Variants in EFCAB12 observed in about 807,000 individuals in gnomAD.
EFCAB12 encodes the protein EF-hand calcium-binding domain-containing protein 12.
In EFCAB12, 43 loss-of-function variants were observed where a neutral mutation model predicts 53.6. That is an observed-to-expected ratio of 0.80 (90% CI 0.63 to 1.03). EFCAB12 has a LOEUF of 1.03. EFCAB12 is among the 50% of genes least tolerant of loss of function. EFCAB12 has a pLI of 0.00. For synonymous variants in EFCAB12, 269 were observed against 289.2 expected, an observed-to-expected ratio of 0.93 and a Z score of 0.71; for missense variants, 646 against 730.6, an observed-to-expected ratio of 0.88 and a Z score of 1.34.
Position 129,415,274 on chromosome 3 carries a change from T to G in EFCAB12, c.809A>C (p.Gln270Pro), listed in dbSNP as rs748199302. Residue 270 changes from glutamine to proline, a missense_variant, in exon 4 of 9, where the codon CAA becomes CCA. By Grantham distance (76) the Gln-to-Pro change is moderately conservative. Coordinates refer to ENST00000505956, the MANE Select transcript of EFCAB12 (RefSeq NM_207307.3). Reference sequence around the variant, plus strand: ...CCTTGCAGTGGCCAGGCTGCTCCTTTGCTGAGCCATAGACCACTGCTTGTA... The same window carrying G: ...CCTTGCAGTGGCCAGGCTGCTCCTTGGCTGAGCCATAGACCACTGCTTGTA... ...NTYKQWSMAQ[Q>P]RSSLATAREH... The G allele has an allele frequency of 1.1e-5, 17 of 1,611,066 alleles. No homozygotes were observed. In the African/African-American group the frequency reaches 1.9e-4, roughly 18 times the overall value.
At chr3:129,428,062 A>C (rs147864154) in intron 1 of EFCAB12, among the ~76,000 whole-genome samples, 3 of 152,164 alleles carry the variant, frequency 2.0e-5, no homozygotes, top group Non-Finnish European at 4.4e-5. Flanking sequence ...CTTATTCTGT[A>C]ATTATCCATT....
Position 129,415,321 on chromosome 3 carries a change from G to A in EFCAB12, c.762C>T (p.Thr254=). The change falls in exon 4 of 9, where the codon ACC becomes ACT. Residue 254 remains threonine, a synonymous_variant. Transcript: ENST00000505956. The part of the protein sequence containing the change: ...LSSLGKHNTI[T]MDILANTYKQ... ...TGTAGGTATTGGCCAGGATATCCAT[G>A]GTGATGGTGTTGTGCTTCCCAAGAG... 1 of 1,613,580 alleles carries A rather than the reference G, an allele frequency of 6.2e-7. No homozygotes were observed. The highest frequency in any genetic ancestry group is 8.5e-7 in the Non-Finnish European group (1 of 1,179,838).
At chr3:129,407,915 A>T (rs985858569) in intron 6 of EFCAB12, among the ~76,000 whole-genome samples, 2 of 152,150 alleles carry the variant, frequency 1.3e-5, no homozygotes, top group Non-Finnish European at 2.9e-5. Context: ...CTCCATTTCA[A>T]AACAAAACAA....
chr3:129,404,501 T>A, intron 6 of EFCAB12, 98 bp from the exon 7 acceptor site: 1 of 1,269,342 alleles, frequency 7.9e-7, no homozygotes, highest in Non-Finnish European at 1.1e-6. Flanking sequence ...TTTTTTTTAA[T>A]TCACATTTTT....
intron 7 of EFCAB12, chr3:129,402,899 A>G (rs1485807652): frequency 3.7e-6 from 1 of 266,926 alleles, no homozygotes; most frequent in Non-Finnish European, 7.2e-6. Context: ...GAGGCTCAGT[A>G]AGTCACTGCC....
chr3:129,409,792 G>A (rs1251571213), intron 5 of EFCAB12, among the ~76,000 whole-genome samples: 2 of 152,158 alleles, frequency 1.3e-5, no homozygotes, highest in African/African-American at 4.8e-5. Flanking sequence ...ACAAGACATG[G>A]CTCACCAGGC....
chr3:129,417,341 C>CCAAAAACAAAAAAAAAAAAAAAAAAAA (rs2072129818), intron 3 of EFCAB12, among the ~76,000 whole-genome samples: 1 of 63,664 alleles, frequency 1.6e-5, no homozygotes, highest in Non-Finnish European at 3.7e-5. Context: ...AAAAAAAAAC[C>CCAAAAACAAAAAAAAAAAAAAAAAAAA]AAAAAAAAAA....
At chr3:129,413,365 G>A (rs1033302425) in intron 4 of EFCAB12, 2 of 152,278 alleles carry the variant, frequency 1.3e-5, no homozygotes, top group African/African-American at 4.8e-5. Context: ...AGACAGCTCA[G>A]GCACAGAGGG....
intron 5 of EFCAB12, among the ~76,000 whole-genome samples, chr3:129,410,665 G>A (rs1158785928): frequency 6.6e-6 from 1 of 152,162 alleles, no homozygotes; most frequent in Non-Finnish European, 1.5e-5. Flanking sequence ...GATGTTGTCT[G>A]CCTCCCTTAC....
intron 6 of EFCAB12, among the ~76,000 whole-genome samples, chr3:129,405,257 T>C (rs955770816): frequency 2.0e-5 from 3 of 152,200 alleles, no homozygotes; most frequent in African/African-American, 7.2e-5. Context: ...AAGCAGTGCT[T>C]GTCTTAAGCT....
At chr3:129,405,205 A>G (rs570830204) in intron 6 of EFCAB12, among the ~76,000 whole-genome samples, 2 of 152,070 alleles carry the variant, frequency 1.3e-5, no homozygotes, top group African/African-American at 4.8e-5. Context: ...TGCTGAATAT[A>G]AAAAAAATAC....
chr3:129,422,575 C>T (rs2072202003), intron 1 of EFCAB12, among the ~76,000 whole-genome samples: 1 of 152,090 alleles, frequency 6.6e-6, no homozygotes, highest in Non-Finnish European at 1.5e-5. Context: ...TGCTCCCTCC[C>T]CATCCACACC....
Position 129,401,842 on chromosome 3 carries a change from C to G in EFCAB12, c.1470G>C (p.Lys490Asn). The G allele has an allele frequency of 6.2e-7, 1 of 1,611,102 alleles. No homozygotes were observed. Among genetic ancestry groups the G allele is most frequent in the Non-Finnish European group, 8.5e-7 (1 of 1,177,756 alleles). Residue 490 changes from lysine to asparagine, a missense_variant, in exon 9 of 9, where the codon AAG becomes AAC. By Grantham distance (94) the Lys-to-Asn change is moderately conservative. Coordinates refer to ENST00000505956, the MANE Select transcript of EFCAB12 (RefSeq NM_207307.3). ...GCTGCAGACCACTGGACCTCTTCAC[C>G]TTCAGCTTCCTGGAAAACAAGAAGA... is the stretch of plus-strand genomic sequence containing the variant. ...KEFEEFTRKL[K>N]VKRSSGLQQT...
intron 6 of EFCAB12, 114 bp downstream of exon 6, chr3:129,408,531 A>G: frequency 8.7e-7 from 1 of 1,146,914 alleles, no homozygotes; most frequent in Admixed American, 2.2e-5. Context: ...CAATGTCCCC[A>G]CCAGAGATTA....
rs2071986145 is a variant in EFCAB12, at chr3:129,408,685, C to T, written c.1209G>A (p.Lys403=). The T allele has an allele frequency of 6.3e-7, 1 of 1,586,986 alleles. No individual in the cohort carries two copies. The highest frequency in any genetic ancestry group is 8.6e-7 in the Non-Finnish European group (1 of 1,165,480). Residue 403 remains lysine, a synonymous_variant, in exon 6 of 9, where the codon AAG becomes AAA. Transcript: ENST00000505956. ...LVYLQCWKLC[K]SYGLPLTEDI... ...CCTCTGTCAGCGGGAGGCCATAGGA[C>T]TTACAGAGCTTCCAGCATTGCAGGT...
intron 6 of EFCAB12, among the ~76,000 whole-genome samples, chr3:129,406,337 A>G (rs2071950454): frequency 6.6e-6 from 1 of 152,194 alleles, no homozygotes; most frequent in Admixed American, 6.5e-5. Context: ...TGTGGGAGAC[A>G]ATGACCACTG....
chr3:129,401,382 A>T lies in EFCAB12; in HGVS notation c.*211T>A. ...AGGGCAGAGGTCAGGGGAGGGAAAT[A>T]GTCAAAAACTGCACGTCATTCCTTG... is the stretch of plus-strand genomic sequence containing the variant. On this transcript the variant is annotated 3_prime_UTR_variant, in exon 9 of 9. Transcript: ENST00000505956. The T allele has an allele frequency of 3.5e-6, 2 of 567,730 alleles. No homozygotes were observed. The highest frequency in any genetic ancestry group is 3.1e-5 in the East Asian group (1 of 32,202). 35.2% of individuals were successfully genotyped at this position (567,730 alleles called of 1,614,324 possible).
chr3:129,412,852 G>A (rs1381616509), intron 4 of EFCAB12: 2 of 152,242 alleles, frequency 1.3e-5, no homozygotes, highest in East Asian at 1.9e-4. Flanking sequence ...GGCTTTGGCT[G>A]GCCCACTGCT....
intron 5 of EFCAB12, 120 bp from the exon 6 acceptor site, chr3:129,408,978 T>C: frequency 9.0e-7 from 1 of 1,113,328 alleles, no homozygotes. Context: ...TGAGGGGTGA[T>C]GGCAACCAAC....
Sources: allele counts gnomAD v4.1 joint callset (sites outside exome capture counted in the v4.1 genomes callset), GRCh38; gene constraint gnomAD v4.1.1; transcripts MANE v1.5; gene names NCBI Gene and HGNC (gene_info 2026-07-23, HGNC 2026-07-21).